Variants in FAM107A observed in about 807,000 individuals in gnomAD.
The protein encoded by FAM107A is actin-associated protein FAM107A.
A neutral mutation model predicts 13.7 loss-of-function variants in FAM107A; 19 were observed. The ratio of observed to expected loss-of-function variants is 1.38; its 90% CI spans 0.97 to 2.03. The LOEUF is 2.03. Among genes scored for constraint, FAM107A ranks in the 30% most tolerant of loss-of-function variants. The pLI is 0.00. For synonymous variants in FAM107A, 82 were observed against 74.5 expected (o/e 1.10, Z -0.52); for missense variants, 203 against 184.4 (o/e 1.10, Z -0.58).
At position 58,613,353 on chromosome 3, in the gene FAM107A, A is replaced by G. The variant is rs1057340507; in HGVS notation, c.-70+14063T>C. Among the ~76,000 whole-genome samples the G allele has an allele frequency of 1.3e-5, 2 of 152,162 alleles. No homozygotes were observed. Among genetic ancestry groups the G allele is most frequent in the African/African-American group, 2.4e-5 (1 of 41,440 alleles). The stretch of plus-strand genomic sequence containing the variant: ...TCTGACTTCACTGCCCAGGCTTCTC[A>G]TGCTGTGCTAGAGCTGACTCTAGTG... On this transcript the variant is annotated intron_variant, in intron 1 of 3. Transcript: ENST00000465970. The surrounding 1 kb of genome is among the most constrained non-coding windows in gnomAD (Gnocchi z 4.6).
At chr3:58,619,433 C>T (rs908337498) in intron 1 of FAM107A, among the ~76,000 whole-genome samples, 1 of 152,164 alleles carries the variant, frequency 6.6e-6, no homozygotes, top group Admixed American at 6.5e-5. Context: ...CTGGGGGCCC[C>T]TACGAGGCTG....
rs530926400 is a variant in FAM107A, at chr3:58,612,327, C to T, written c.-70+15089G>A. Among the ~76,000 whole-genome samples, 28 of 152,218 alleles carry T rather than the reference C, an allele frequency of 1.8e-4. No individual in the cohort carries two copies. The South Asian group carries it at 5.6e-3, about 30-fold the overall frequency. ...GGGTGCAGTGGCTCACACTTCTAAT[C>T]CCAGCATTTTGGGAGGCTGAGGGGG... On this transcript the variant is annotated intron_variant, in intron 1 of 3. Transcript: ENST00000465970.
rs567114705 is a variant in FAM107A at position 58,613,868 on chromosome 3, G to C, written c.-70+13548C>G. ...CTTACGGCCTGTCCAAGGTCTATAC[G>C]TTACATCTGCCTCAGACAGCCTTCT... On this transcript the variant is annotated intron_variant, in intron 1 of 3. Transcript: ENST00000465970. The surrounding 1 kb of genome is among the most constrained non-coding windows in gnomAD (Gnocchi z 4.6). Among the ~76,000 whole-genome samples the C allele has an allele frequency of 2.6e-5, 4 of 152,230 alleles. No homozygotes were observed. Among genetic ancestry groups the C allele is most frequent in the Non-Finnish European group, 2.9e-5 (2 of 68,042 alleles).
chr3:58,606,542 A>T (rs2065796498), intron 1 of FAM107A, among the ~76,000 whole-genome samples: 1 of 152,198 alleles, frequency 6.6e-6, no homozygotes, highest in Admixed American at 6.5e-5. Context: ...CCCCTTAGGG[A>T]ATGCTATAGT....
intron 1 of FAM107A, chr3:58,627,256 C>T: frequency 2.0e-6 from 1 of 508,666 alleles, no homozygotes; most frequent in South Asian, 3.3e-5. Context: ...TGGGTCCCTG[C>T]AGCTCCTCAC....
intron 2 of FAM107A, among the ~76,000 whole-genome samples, chr3:58,567,661 T>C (rs2063636411): frequency 6.6e-6 from 1 of 152,202 alleles, no homozygotes; most frequent in Admixed American, 6.5e-5. Flanking sequence ...TTAGGATACT[T>C]TCCTAAAGGT....
At chr3:58,608,379 C>T (rs985095210) in intron 1 of FAM107A, among the ~76,000 whole-genome samples, 1 of 152,154 alleles carries the variant, frequency 6.6e-6, no homozygotes, top group African/African-American at 2.4e-5. Context: ...TGTCTAAGGT[C>T]ACATAGCTAG....
At chr3:58,594,013 A>G (rs2108066735) in intron 1 of FAM107A, among the ~76,000 whole-genome samples, 1 of 149,874 alleles carries the variant, frequency 6.7e-6, no homozygotes, top group Non-Finnish European at 1.5e-5. Flanking sequence ...ACAAACTACT[A>G]TCCCTGTTTC....
chr3:58,621,085 G>A (rs2065950556), intron 1 of FAM107A, among the ~76,000 whole-genome samples: 1 of 152,176 alleles, frequency 6.6e-6, no homozygotes, highest in African/African-American at 2.4e-5. Flanking sequence ...GGGAAGGGGA[G>A]GACAGTATAT....
chr3:58,623,462 G>C (rs866601279), intron 1 of FAM107A, among the ~76,000 whole-genome samples: 1 of 152,230 alleles, frequency 6.6e-6, no homozygotes, highest in Non-Finnish European at 1.5e-5. Flanking sequence ...TAGAGCAGCA[G>C]CAACAGGACC....
chr3:58,569,638 C>A lies in FAM107A; in HGVS notation c.170+53G>T. ...TTTCCTCCAGGGTCACCTTCCCCAT[C>A]CCCCACAGGCCCAGGTGCTTGCGGG... On this transcript the variant is annotated intron_variant, in intron 2 of 3. Coordinates refer to ENST00000360997, the MANE Select transcript of FAM107A (RefSeq NM_001076778.3). This position sits in a 1 kb window ranked among gnomAD's most constrained non-coding sequence, Gnocchi z 5.7. 2 of 1,465,846 alleles carry A rather than the reference C, an allele frequency of 1.4e-6. No individual in the cohort carries two copies. Among genetic ancestry groups the A allele is most frequent in the Non-Finnish European group, 9.3e-7 (1 of 1,077,194 alleles). The allele number at this position is 1,465,846 out of a possible 1,614,324, so 90.8% of individuals were successfully genotyped here. A position where few individuals can be genotyped will look rare whatever the true frequency, so the allele number is the denominator to read the frequency against.
upstream of FAM107A, among the ~76,000 whole-genome samples, chr3:58,588,965 G>C (rs1480409703): frequency 6.6e-6 from 1 of 152,122 alleles, no homozygotes; most frequent in Non-Finnish European, 1.5e-5. Context: ...TGATGGTTAT[G>C]CCCCTTTTAC....
At chr3:58,618,154 AG>A (rs1298161618) in intron 1 of FAM107A, among the ~76,000 whole-genome samples, 30 of 152,304 alleles carry the variant, frequency 2.0e-4, no homozygotes, top group Admixed American at 7.2e-4. Flanking sequence ...GTGAGGCTCA[AG>A]GGGGGTAGGC....
chr3:58,593,695 AT>A (rs1186979235), intron 1 of FAM107A, among the ~76,000 whole-genome samples: 2 of 151,108 alleles, frequency 1.3e-5, no homozygotes, highest in Non-Finnish European at 2.9e-5. Context: ...CCTCCTCACC[AT>A]TTCTAATTCC....
chr3:58,583,063 C>T (rs953931719), intron 1 of FAM107A, among the ~76,000 whole-genome samples: 6 of 152,110 alleles, frequency 3.9e-5, no homozygotes, highest in Non-Finnish European at 8.8e-5. Flanking sequence ...CCTCGCAGAG[C>T]GTTGGGATTA....
In FAM107A at chr3:58,596,921, C is replaced by G. The variant is rs2065712305; in HGVS notation, c.-69-7652G>C. 2.0e-5 allele frequency among the ~76,000 whole-genome samples: 3 copies of G among 152,182 alleles called. No homozygotes were observed. In the South Asian group the frequency reaches 6.2e-4, roughly 32 times the overall value. ...TCACTACAGATTCATTTCTCTTGCT[C>G]TAGAACTTCACATCAATGGAATAAT... On this transcript the variant is annotated intron_variant, in intron 1 of 3. Transcript: ENST00000465970.
chr3:58,622,912 G>C (rs1008730754), intron 1 of FAM107A, among the ~76,000 whole-genome samples: 1 of 152,246 alleles, frequency 6.6e-6, no homozygotes, highest in African/African-American at 2.4e-5. Flanking sequence ...ATGGCACCCA[G>C]AAGTGAGGTG....
At position 58,566,558 on chromosome 3, in the gene FAM107A, TG is replaced by T. The variant is rs1386172119; in HGVS notation, c.*29del. ...CTGAAGGAGGCTGTCCAGGCCAGGGTGGGCAGTGGCCTGAGCCCGGCAGCTG... is the reference window on the plus strand; with the variant it reads ...CTGAAGGAGGCTGTCCAGGCCAGGGTGGCAGTGGCCTGAGCCCGGCAGCTG... On this transcript the variant is annotated 3_prime_UTR_variant, in exon 4 of 4. Transcript: ENST00000360997. The T allele has an allele frequency of 6.6e-7, 1 of 1,522,998 alleles. No homozygotes were observed. The allele number at this position is 1,522,998 out of a possible 1,614,324, so 94.3% of individuals were successfully genotyped here.
chr3:58,605,517 T>A (rs776467637), intron 1 of FAM107A, among the ~76,000 whole-genome samples: 3 of 152,238 alleles, frequency 2.0e-5, no homozygotes, highest in Non-Finnish European at 4.4e-5. Flanking sequence ...GTGCCATAGT[T>A]GGGAAATTGT....
Sources: gnomAD v4.1 joint callset for allele counts (sites outside exome capture counted in the v4.1 genomes callset) on GRCh38, gnomAD v4.1.1 for gene constraint, Gnocchi (gnomAD v3.1) non-coding constraint, MANE v1.5 for transcripts, NCBI Gene and HGNC (gene_info 2026-07-23, HGNC 2026-07-21) for gene names.